Variants in CDH18 observed in about 807,000 individuals in gnomAD.
The protein encoded by CDH18 is cadherin-18.
In CDH18, 31 loss-of-function variants were observed where a neutral mutation model predicts 67.9. That is an observed-to-expected ratio of 0.46 (90% CI 0.34 to 0.62). The LOEUF (loss-of-function observed/expected upper bound fraction) is 0.62. CDH18 is among the 20% of genes least tolerant of loss of function. CDH18 has a pLI of 0.01. For missense variants in CDH18, 890 were observed against 975.5 expected (o/e 0.91, Z 1.17); for synonymous variants, 362 against 347.2 (o/e 1.04, Z -0.48).
chr5:20,350,841 A>G (rs1028146517), intron 1 of CDH18, among the ~76,000 whole-genome samples: 8 of 152,202 alleles, frequency 5.3e-5, no homozygotes, highest in Non-Finnish European at 7.3e-5. Flanking sequence ...GTCTTTTGGA[A>G]TATTATTCAG....
rs1463384644 is a variant in CDH18, at chr5:19,998,991, C to T, written c.-517-6977G>A. Among the ~76,000 whole-genome samples, 4 of 152,020 alleles carry T rather than the reference C, an allele frequency of 2.6e-5. No individual in the cohort carries two copies. The East Asian group carries it at 7.7e-4, about 29-fold the overall frequency. On this transcript the variant is annotated intron_variant, in intron 2 of 14. Coordinates refer to the CDH18 transcript ENST00000507958. ...AGAGAATCGTAAAATTGAAACAAAG[C>T]ATCATGGAATTCAAGAAAGAAATGT...
intron 2 of CDH18, among the ~76,000 whole-genome samples, chr5:19,900,204 TAG>T (rs1401924885): frequency 6.6e-6 from 1 of 151,606 alleles, no homozygotes; most frequent in Non-Finnish European, 1.5e-5. Context: ...CTCACAGATA[TAG>T]AGAGTAGAAG....
chr5:19,684,799 G>A (rs894177596), intron 5 of CDH18, among the ~76,000 whole-genome samples: 1 of 152,042 alleles, frequency 6.6e-6, no homozygotes, highest in Admixed American at 6.6e-5. Context: ...CACAATTGAA[G>A]TTTCGAGAGG....
chr5:19,835,868 G>A (rs535081821), intron 3 of CDH18, among the ~76,000 whole-genome samples: 3 of 152,170 alleles, frequency 2.0e-5, no homozygotes, highest in African/African-American at 7.2e-5. Flanking sequence ...CAACAGAATA[G>A]ACAACAGTTT....
At chr5:20,195,145 T>C (rs1738871086) in intron 2 of CDH18, among the ~76,000 whole-genome samples, 1 of 152,078 alleles carries the variant, frequency 6.6e-6, no homozygotes, top group African/African-American at 2.4e-5. Flanking sequence ...GTCAATTTTG[T>C]GTGTACCCAA....
chr5:20,335,376 T>C (rs1244251719), intron 1 of CDH18, among the ~76,000 whole-genome samples: 2 of 152,146 alleles, frequency 1.3e-5, no homozygotes, highest in African/African-American at 4.8e-5. Context: ...TTTTCTTTTA[T>C]CTCAACTTTA....
chr5:20,036,398 TAAAAA>T (rs1387066676), intron 2 of CDH18, among the ~76,000 whole-genome samples: 1 of 151,730 alleles, frequency 6.6e-6, no homozygotes, highest in African/African-American at 2.4e-5. Context: ...AGATGATACT[TAAAAA>T]GAAGAAAAAA....
chr5:20,453,130 C>T (rs968564663), intron 1 of CDH18, among the ~76,000 whole-genome samples: 2 of 152,158 alleles, frequency 1.3e-5, no homozygotes, highest in African/African-American at 2.4e-5. Context: ...CTCAAACCTG[C>T]ACCCTGGTAC....
intron 2 of CDH18, among the ~76,000 whole-genome samples, chr5:20,166,879 C>T (rs2388129): frequency 0.54 from 82,619 of 151,970 alleles, 22,630 homozygotes; most frequent in Middle Eastern, 0.68. Flanking sequence ...CCAATGAATG[C>T]CCTTCTAGGG....
chr5:19,974,534 A>T (rs1266975159), intron 2 of CDH18, among the ~76,000 whole-genome samples: 1 of 151,722 alleles, frequency 6.6e-6, no homozygotes, highest in African/African-American at 2.4e-5. Flanking sequence ...AAAAAAAAAA[A>T]AAAAAAAAAG....
At chr5:19,992,146 C>T (rs1049603508), upstream of CDH18, 11 of 151,760 alleles carry the variant, frequency 7.2e-5, no homozygotes, top group Non-Finnish European at 1.0e-4. Flanking sequence ...GTAGCATATT[C>T]CTTACTCATA....
chr5:19,680,115 G>A (rs1231579408), intron 5 of CDH18, among the ~76,000 whole-genome samples: 1 of 151,280 alleles, frequency 6.6e-6, no homozygotes, highest in Admixed American at 6.6e-5. Context: ...GAAAAGAATA[G>A]AGAGCTGCAC....
intron 2 of CDH18, among the ~76,000 whole-genome samples, chr5:20,100,803 GA>G (rs957951185): frequency 6.5e-4 from 97 of 149,334 alleles, no homozygotes; most frequent in African/African-American, 2.0e-3. Flanking sequence ...ACACCTCTGA[GA>G]AAAAAAAAAT....
chr5:19,501,344 T>C (rs1743204977), intron 11 of CDH18, among the ~76,000 whole-genome samples: 1 of 150,970 alleles, frequency 6.6e-6, no homozygotes, highest in Admixed American at 6.6e-5. Flanking sequence ...GGCTTATTCC[T>C]GTATTCCCAG....
At chr5:20,435,461 C>A (rs1171909264) in intron 1 of CDH18, among the ~76,000 whole-genome samples, 2 of 152,046 alleles carry the variant, frequency 1.3e-5, no homozygotes, top group Admixed American at 1.3e-4. Flanking sequence ...ATCTATGCCC[C>A]CAACCTCAGG....
intron 2 of CDH18, among the ~76,000 whole-genome samples, chr5:19,864,884 T>C (rs1258849231): frequency 6.6e-6 from 1 of 152,192 alleles, no homozygotes; most frequent in Non-Finnish European, 1.5e-5. Context: ...TGCACAAATT[T>C]GGATGTGCAA....
chr5:19,891,537 C>T (rs1788783029), intron 2 of CDH18, among the ~76,000 whole-genome samples: 1 of 152,082 alleles, frequency 6.6e-6, no homozygotes, highest in African/African-American at 2.4e-5. Context: ...ACTCACAATA[C>T]AACTTATAAC....
At chr5:19,578,658 ATAT>A (rs1742720526) in intron 7 of CDH18, among the ~76,000 whole-genome samples, 1 of 151,658 alleles carries the variant, frequency 6.6e-6, no homozygotes, top group Non-Finnish European at 1.5e-5. Context: ...AATTCATCTA[ATAT>A]TATTCTTTTT....
At chr5:19,640,110 T>C (rs1753795445) in intron 5 of CDH18, among the ~76,000 whole-genome samples, 1 of 152,310 alleles carries the variant, frequency 6.6e-6, no homozygotes, top group Middle Eastern at 3.4e-3. Context: ...TTATGAGAAA[T>C]GCTTCAGGTA....
Sources: allele counts gnomAD v4.1 joint callset (sites outside exome capture counted in the v4.1 genomes callset), GRCh38; gene constraint gnomAD v4.1.1; transcripts MANE v1.5; gene names NCBI Gene and HGNC (gene_info 2026-07-23, HGNC 2026-07-21).